The following CWC25 variants were observed in gnomAD, a reference collection of about 807,000 sequenced individuals.
CWC25 encodes the protein pre-mRNA-splicing factor CWC25 homolog.
A neutral mutation model predicts 54.6 loss-of-function variants in CWC25; 31 were observed. The observed-to-expected ratio is 0.57, with a 90% confidence interval of 0.43 to 0.77. CWC25 has a LOEUF of 0.77. Among genes scored for constraint, CWC25 ranks in the 30% least tolerant of loss-of-function variants. The pLI, the probability that CWC25 is intolerant of heterozygous loss-of-function variation, is 0.00. For synonymous variants in CWC25, 151 were observed against 187.0 expected, an observed-to-expected ratio of 0.81 and a Z score of 1.57; for missense variants, 453 against 529.3, an observed-to-expected ratio of 0.86 and a Z score of 1.41.
chr17:38,811,256 A>T (rs1307770785), intron 4 of CWC25, among the ~76,000 whole-genome samples: 1 of 149,842 alleles, frequency 6.7e-6, no homozygotes, highest in Non-Finnish European at 1.5e-5. Context: ...CAAAAAGCCC[A>T]GGCGGGGTGG....
chr17:38,806,620 GA>G lies in CWC25; in HGVS notation c.902+144del, dbSNP rs920603657. 2,539 of 760,946 alleles carry G rather than the reference GA, an allele frequency of 3.3e-3. 10 individuals are homozygous for G. Among genetic ancestry groups the G allele is most frequent in the South Asian group, 0.016 (722 of 45,464 alleles). The allele number at this position is 760,946 out of a possible 1,614,324, so 47.1% of individuals were successfully genotyped here. On this transcript the variant is annotated intron_variant, in intron 7 of 9. Transcript: ENST00000614790. The stretch of plus-strand genomic sequence containing the variant: ...GATGCCTGAGCTTTACATTGAGGTG[GA>G]AAAAAAAAATGATGTAAAGGAAATA...
Position 38,807,523 on chromosome 17 carries a change from G to A in CWC25, c.691-547C>T, listed in dbSNP as rs1036603748. On this transcript the variant is annotated intron_variant, in intron 6 of 9. Coordinates refer to ENST00000614790, the MANE Select transcript of CWC25 (RefSeq NM_017748.5). ...TTGAATCCCAACACTTTGGGAGACG[G>A]AGGCAGGAGGACTGCCTGAGATCAA... 2.9e-5 allele frequency among the ~76,000 whole-genome samples: 4 copies of A among 140,160 alleles called. 1 individual carries two copies. Among genetic ancestry groups the A allele is most frequent in the Non-Finnish European group, 6.3e-5 (4 of 63,574 alleles). The allele number at this position is 140,160 out of a possible 152,430, so 92.0% of individuals were successfully genotyped here.
chr17:38,809,151 G>A (rs181477609), intron 6 of CWC25, among the ~76,000 whole-genome samples: 1 of 151,742 alleles, frequency 6.6e-6, no homozygotes, highest in Admixed American at 6.6e-5. Context: ...ACTTAGGCCA[G>A]GCACGGTGGC....
At chr17:38,808,902 C>T (rs149095129) in intron 6 of CWC25, among the ~76,000 whole-genome samples, 22 of 148,790 alleles carry the variant, frequency 1.5e-4, no homozygotes, top group African/African-American at 1.7e-4. Context: ...GCTGAGATCG[C>T]GCCATTGCAC....
chr17:38,811,271 T>C (rs1389181027), intron 4 of CWC25, among the ~76,000 whole-genome samples: 2 of 147,916 alleles, frequency 1.4e-5, no homozygotes, highest in South Asian at 4.3e-4. Context: ...GGGTGGCTCA[T>C]ACCTGTAATC....
At chr17:38,802,989 G>T in intron 8 of CWC25, 128 bp from the exon 9 acceptor site, 1 of 1,036,986 alleles carries the variant, frequency 9.6e-7, no homozygotes, top group Non-Finnish European at 1.4e-6. Flanking sequence ...TGCAAGGCCA[G>T]CCTGAGTTCC....
At chr17:38,821,155 TC>T in intron 1 of CWC25, 82 bp from the exon 2 acceptor site, 1 of 1,421,430 alleles carries the variant, frequency 7.0e-7, no homozygotes, top group Non-Finnish European at 9.5e-7. Context: ...CACCCACCCT[TC>T]CATACCCAAG....
At chr17:38,816,201 G>A (rs972319789) in intron 2 of CWC25, among the ~76,000 whole-genome samples, 2 of 152,140 alleles carry the variant, frequency 1.3e-5, no homozygotes, top group African/African-American at 2.4e-5. Flanking sequence ...TTCATTGACA[G>A]TATTATCTAT....
intron 4 of CWC25, among the ~76,000 whole-genome samples, chr17:38,811,540 CA>C (rs11387199): frequency 0.015 from 776 of 53,378 alleles, 4 homozygotes; most frequent in South Asian, 0.057. Flanking sequence ...GACTCCGTCT[CA>C]AAAAAAAAAA....
At chr17:38,812,636 A>G (rs1911537361) in intron 4 of CWC25, among the ~76,000 whole-genome samples, 159 bp downstream of exon 4, 2 of 152,026 alleles carry the variant, frequency 1.3e-5, no homozygotes, top group African/African-American at 4.8e-5. Context: ...TCAAAAACAA[A>G]AAAATGATTA....
chr17:38,814,199 A>G (rs1911604780), intron 3 of CWC25, among the ~76,000 whole-genome samples: 1 of 152,042 alleles, frequency 6.6e-6, no homozygotes, highest in African/African-American at 2.4e-5. Flanking sequence ...TTCAATTCAG[A>G]ATGGTGAAAG....
At chr17:38,811,054 A>C (rs2143568071) in intron 4 of CWC25, among the ~76,000 whole-genome samples, 2 of 151,666 alleles carry the variant, frequency 1.3e-5, no homozygotes, top group Middle Eastern at 3.4e-3. Flanking sequence ...AATATGGTGA[A>C]AGACCATCTC....
intron 2 of CWC25, among the ~76,000 whole-genome samples, chr17:38,819,624 G>A (rs1180002189): frequency 4.6e-5 from 7 of 151,024 alleles, no homozygotes; most frequent in Non-Finnish European, 8.8e-5. Flanking sequence ...CGCCCACCTC[G>A]GCCTCCCAAA....
intron 1 of CWC25, among the ~76,000 whole-genome samples, chr17:38,824,056 T>C (rs763646566): frequency 1.3e-5 from 2 of 152,168 alleles, no homozygotes; most frequent in Non-Finnish European, 2.9e-5. Flanking sequence ...TGGATGAAAC[T>C]AGATGGAGTC....
chr17:38,824,817 G>A (rs902772647), intron 1 of CWC25, among the ~76,000 whole-genome samples: 2 of 152,118 alleles, frequency 1.3e-5, no homozygotes, highest in African/African-American at 4.8e-5. Context: ...GGCAAGACAA[G>A]ATATACAAAA....
intron 4 of CWC25, among the ~76,000 whole-genome samples, chr17:38,811,508 T>TCCACC (rs1911486354): frequency 7.6e-6 from 1 of 131,702 alleles, no homozygotes; most frequent in African/African-American, 3.1e-5. Flanking sequence ...ACCACTGCAC[T>TCCACC]CCACCTTGGG....
In CWC25 at chr17:38,824,946, A is replaced by T. The variant is rs73295181; in HGVS notation, c.18+220T>A. On this transcript the variant is annotated intron_variant, in intron 1 of 9. Transcript: ENST00000614790. ...AGAGCCGCAGTCAACAAACACGCAA[A>T]CACCACCTGTCACTGTTCGCGACAC... 0.014 allele frequency among the ~76,000 whole-genome samples: 2,062 copies of T among 152,124 alleles called. 53 individuals are homozygous for T. The highest frequency in any genetic ancestry group is 0.047 in the African/African-American group (1,962 of 41,502).
chr17:38,812,558 C>T (rs551850222), intron 4 of CWC25, among the ~76,000 whole-genome samples: 93 of 152,122 alleles, frequency 6.1e-4, no homozygotes, highest in African/African-American at 2.1e-3. Context: ...ACCTGGGAGG[C>T]GGAGGTTGCG....
rs1364858400 is a variant in CWC25, at chr17:38,814,930, G to A, written c.359C>T (p.Ala120Val). The change falls in exon 3 of 10, where the codon GCC becomes GTC. Residue 120 changes from alanine to valine, a missense_variant. This residue lies in a region of CWC25 where 444 missense variants were observed against 499.2 expected (regional missense o/e 0.89). Coordinates refer to ENST00000614790, the MANE Select transcript of CWC25 (RefSeq NM_017748.5). ...AAGAAGGGAATTGGCACCTGATGGGGCAAAGATAGAGCCTGGGAGAAGTCC... is the reference window on the plus strand; with the variant it reads ...AAGAAGGGAATTGGCACCTGATGGGACAAAGATAGAGCCTGGGAGAAGTCC... ...ETGLLPGSIFAPSGANSLLDM... is the reference protein window; with the variant it reads ...ETGLLPGSIFVPSGANSLLDM... The A allele has an allele frequency of 6.2e-7, 1 of 1,613,578 alleles. No homozygotes were observed. The highest frequency in any genetic ancestry group is 8.5e-7 in the Non-Finnish European group (1 of 1,179,874).
Sources: allele counts gnomAD v4.1 joint callset (sites outside exome capture counted in the v4.1 genomes callset), GRCh38; gene constraint gnomAD v4.1.1; regional missense constraint gnomAD v4.1.1; transcripts MANE v1.5; gene names NCBI Gene and HGNC (gene_info 2026-07-23, HGNC 2026-07-21).